Variants in ALK observed in about 807,000 individuals in gnomAD.
ALK encodes ALK receptor tyrosine kinase, also known as ALK tyrosine kinase receptor.
A neutral mutation model predicts 163.1 loss-of-function variants in ALK; 74 were observed. The observed-to-expected ratio is 0.45, with a 90% confidence interval of 0.38 to 0.55. The LOEUF is 0.55. Ranked by LOEUF, ALK falls within the 20% of genes least tolerant of loss-of-function variation. The pLI is 0.00. For missense variants in ALK, 2,063 were observed against 2,105.3 expected (o/e 0.98, Z 0.39); for synonymous variants, 960 against 843.2 (o/e 1.14, Z -2.40).
At chr2:29,463,629 C>A (rs1230082617) in intron 4 of ALK, among the ~76,000 whole-genome samples, 1 of 152,154 alleles carries the variant, frequency 6.6e-6, no homozygotes, top group South Asian at 2.1e-4. Flanking sequence ...AGATTATTGC[C>A]TGGAGGCAGT....
At chr2:29,263,483 G>A (rs375638755) in intron 11 of ALK, among the ~76,000 whole-genome samples, 4 of 152,148 alleles carry the variant, frequency 2.6e-5, no homozygotes, top group African/African-American at 9.7e-5. Context: ...AAGGTGTCCC[G>A]ACTTCTGGGT....
At chr2:29,220,948 G>C (rs1200237471) in intron 22 of ALK, 113 bp from the exon 23 acceptor site, 3 of 1,462,284 alleles carry the variant, frequency 2.1e-6, no homozygotes, top group Non-Finnish European at 2.8e-6. Context: ...ATGTATAAAG[G>C]CATTCTGTAA....
At chr2:29,853,518 C>T (rs1476655296) in intron 1 of ALK, among the ~76,000 whole-genome samples, 5 of 152,138 alleles carry the variant, frequency 3.3e-5, no homozygotes, top group Non-Finnish European at 5.9e-5. Flanking sequence ...CACCCAGTTC[C>T]GCCACCTTCA....
chr2:29,291,324 A>T (rs1450764810), intron 9 of ALK, among the ~76,000 whole-genome samples: 1 of 152,016 alleles, frequency 6.6e-6, no homozygotes, highest in East Asian at 1.9e-4. Context: ...TGATCATGCC[A>T]CTGCACTCCA....
At chr2:29,727,158 C>T (rs1300279595) in intron 1 of ALK, among the ~76,000 whole-genome samples, 12 of 152,292 alleles carry the variant, frequency 7.9e-5, no homozygotes, top group Admixed American at 5.2e-4. Context: ...GGCTCAGCCA[C>T]GACTGTTTCC....
chr2:29,568,623 C>T (rs1674263161), intron 3 of ALK, among the ~76,000 whole-genome samples: 1 of 152,222 alleles, frequency 6.6e-6, no homozygotes, highest in Non-Finnish European at 1.5e-5. Flanking sequence ...TCTCCCTTCC[C>T]TCCCCTGCTC....
At chr2:29,312,885 A>G (rs1666730830) in intron 8 of ALK, among the ~76,000 whole-genome samples, 1 of 152,234 alleles carries the variant, frequency 6.6e-6, no homozygotes, top group South Asian at 2.1e-4. Flanking sequence ...CAGAGATGTC[A>G]CAGCATCAGA....
chr2:29,233,479 AGGT>A, intron 14 of ALK, 83 bp downstream of exon 14: 1 of 1,579,130 alleles, frequency 6.3e-7, no homozygotes, highest in Non-Finnish European at 8.7e-7. Flanking sequence ...AGAGCATCTG[AGGT>A]GTTTCTATCC....
intron 3 of ALK, among the ~76,000 whole-genome samples, chr2:29,555,540 T>C (rs1012462102): frequency 6.6e-6 from 1 of 152,194 alleles, no homozygotes; most frequent in Non-Finnish European, 1.5e-5. Flanking sequence ...TTGATGTCTG[T>C]TCTCTCCACC....
At chr2:29,874,551 C>A (rs536111952) in intron 1 of ALK, among the ~76,000 whole-genome samples, 1 of 152,310 alleles carries the variant, frequency 6.6e-6, no homozygotes, top group African/African-American at 2.4e-5. Flanking sequence ...AGATGAAATA[C>A]TACTGATGTT....
chr2:29,222,852 A>T (rs903594371), intron 20 of ALK, among the ~76,000 whole-genome samples: 1 of 152,222 alleles, frequency 6.6e-6, no homozygotes, highest in Non-Finnish European at 1.5e-5. Context: ...ATGTTTATTC[A>T]TTCAATCAGT....
At chr2:29,565,805 C>A (rs1305901647) in intron 3 of ALK, among the ~76,000 whole-genome samples, 3 of 152,158 alleles carry the variant, frequency 2.0e-5, no homozygotes, top group Non-Finnish European at 4.4e-5. Context: ...TGCTTCACTC[C>A]TAAAAGGATT....
chr2:29,499,297 A>C (rs1672108875), intron 4 of ALK, among the ~76,000 whole-genome samples: 1 of 152,046 alleles, frequency 6.6e-6, no homozygotes, highest in South Asian at 2.1e-4. Flanking sequence ...CTCAGGTTCA[A>C]GTGATTCTCC....
At chr2:29,624,602 G>T (rs757747002) in intron 3 of ALK, among the ~76,000 whole-genome samples, 1 of 152,166 alleles carries the variant, frequency 6.6e-6, no homozygotes, top group Non-Finnish European at 1.5e-5. Flanking sequence ...AGCAGGGGAT[G>T]GGGGGAGGGA....
intron 1 of ALK, among the ~76,000 whole-genome samples, chr2:29,818,895 C>G (rs531470724): frequency 2.1e-4 from 32 of 152,328 alleles, no homozygotes; most frequent in African/African-American, 7.7e-4. Context: ...CACCCCAGAC[C>G]AAGTGAATCA....
chr2:29,581,006 C>G (rs768143031), intron 3 of ALK, among the ~76,000 whole-genome samples: 9 of 152,202 alleles, frequency 5.9e-5, no homozygotes, highest in Non-Finnish European at 1.2e-4. Context: ...ATCTTCTGCC[C>G]ATCTCTATGG....
At chr2:29,539,318 G>C (rs1425736688) in intron 3 of ALK, among the ~76,000 whole-genome samples, 3 of 152,056 alleles carry the variant, frequency 2.0e-5, no homozygotes, top group African/African-American at 7.2e-5. Flanking sequence ...ATTGTTACTT[G>C]TCAAAATTGT....
chr2:29,806,322 C>T (rs1664614244), intron 1 of ALK, among the ~76,000 whole-genome samples: 1 of 151,962 alleles, frequency 6.6e-6, no homozygotes, highest in African/African-American at 2.4e-5. Flanking sequence ...GGGAGAAAGA[C>T]TAACAGTGTT....
rs774139327 is a variant in ALK at position 29,462,648 on chromosome 2, C to A, written c.1154+69267G>T. Among the ~76,000 whole-genome samples the A allele has an allele frequency of 2.6e-5, 4 of 152,254 alleles. No individual in the cohort carries two copies. The East Asian group carries it at 7.7e-4, about 29-fold the overall frequency. Reference sequence around the variant, plus strand: ...ACTCATATGCACTGGAAAAACCAAACAATTTGTGTTACTTGCTTTACTGAG... The same window carrying A: ...ACTCATATGCACTGGAAAAACCAAAAAATTTGTGTTACTTGCTTTACTGAG... On this transcript the variant is annotated intron_variant, in intron 4 of 28. Coordinates refer to ENST00000389048, the MANE Select transcript of ALK (RefSeq NM_004304.5).
Sources: allele counts gnomAD v4.1 joint callset (sites outside exome capture counted in the v4.1 genomes callset), GRCh38; gene constraint gnomAD v4.1.1; transcripts MANE v1.5; gene names NCBI Gene and HGNC (gene_info 2026-07-23, HGNC 2026-07-21).